BUD13: variants seen among roughly 807,000 people sequenced by gnomAD.
BUD13 encodes the protein BUD13 spliceosome associated protein, also known as BUD13 homolog.
In BUD13, 47 loss-of-function variants were observed where a neutral mutation model predicts 62.5. That is an observed-to-expected ratio of 0.75 (90% CI 0.60 to 0.96). The LOEUF (loss-of-function observed/expected upper bound fraction) is 0.96, where lower values mean the gene tolerates loss of function less well. Ranked by LOEUF, BUD13 falls within the 40% of genes least tolerant of loss-of-function variation. BUD13 has a pLI of 0.00. For synonymous variants in BUD13, 293 were observed against 280.1 expected, an observed-to-expected ratio of 1.05 and a Z score of -0.46; for missense variants, 821 against 790.9, an observed-to-expected ratio of 1.04 and a Z score of -0.46.
intron 9 of BUD13, among the ~76,000 whole-genome samples, chr11:116,748,980 C>CAAAAAAAAA (rs58988682): frequency 1.4e-4 from 12 of 86,976 alleles, no homozygotes; most frequent in Non-Finnish European, 1.8e-4. Flanking sequence ...GACTCTGTCT[C>CAAAAAAAAA]AAAAAAAAAA....
chr11:116,765,589 G>A (rs79874233), intron 2 of BUD13, 143 bp from the exon 3 acceptor site: 71 of 733,938 alleles, frequency 9.7e-5, no homozygotes, highest in Admixed American at 1.5e-4. Context: ...GAAGTAAGTA[G>A]GGGTCTTCAG....
chr11:116,749,093 C>T (rs974210438), intron 9 of BUD13, among the ~76,000 whole-genome samples: 24 of 152,130 alleles, frequency 1.6e-4, no homozygotes, highest in African/African-American at 5.3e-4. Flanking sequence ...TTTCTTAGTC[C>T]TTGTTCACAC....
In BUD13 at chr11:116,758,342, C is replaced by T. The variant is rs1405535851; in HGVS notation, c.1426G>A (p.Glu476Lys). 1.1e-5 allele frequency: 17 copies of T among 1,614,010 alleles called. No individual in the cohort carries two copies. Among genetic ancestry groups the T allele is most frequent in the South Asian group, 2.2e-5 (2 of 91,082 alleles). Residue 476 changes from glutamate (E) to lysine (K), a missense_variant, in exon 7 of 10, where the codon GAA (glutamate) becomes AAA (lysine). Transcript: ENST00000260210. ...KSGRKRNLKL[E>K]RLEQRRKAEK... is the part of the protein sequence containing the mutation. ...GCTTTCCTCCTTTGCTCTAAACGTT[C>T]GAGTTTCAAATTCCTCTTACGACCA...
intron 9 of BUD13, among the ~76,000 whole-genome samples, chr11:116,749,243 G>A (rs896395023): frequency 6.6e-6 from 1 of 152,094 alleles, no homozygotes; most frequent in East Asian, 1.9e-4. Context: ...TAGGTACCAT[G>A]GTAGACACTA....
In BUD13 at chr11:116,748,491, C is replaced by T. The variant is rs1001577311; in HGVS notation, c.1851G>A (p.Glu617=). 14 of 1,614,108 alleles carry T rather than the reference C, an allele frequency of 8.7e-6. No homozygotes were observed. The highest frequency in any genetic ancestry group is 1.3e-5 in the African/African-American group (1 of 74,932). ...VEELAYKWSV[E]DM is the part of the protein sequence containing the mutation. ...CACAGCCTCAGGAAAGTTACATATCCTCAACACTCCATTTGTAGGCAAGTT... is the reference window on the plus strand; with the variant it reads ...CACAGCCTCAGGAAAGTTACATATCTTCAACACTCCATTTGTAGGCAAGTT... Residue 617 remains glutamate (E), a synonymous_variant, in exon 10 of 10, where the codon GAG becomes GAA. Coordinates refer to ENST00000260210, the MANE Select transcript of BUD13 (RefSeq NM_032725.4).
chr11:116,768,206 G>A (rs1159961950), intron 2 of BUD13, among the ~76,000 whole-genome samples: 2 of 151,986 alleles, frequency 1.3e-5, no homozygotes, highest in African/African-American at 4.8e-5. Context: ...TATGTACAAC[G>A]ATGTATGATA....
At chr11:116,756,827 G>A (rs1367819597) in intron 9 of BUD13, among the ~76,000 whole-genome samples, 1 of 152,128 alleles carries the variant, frequency 6.6e-6, no homozygotes, top group Non-Finnish European at 1.5e-5. Flanking sequence ...GAAGGCTCCA[G>A]ACTACAACTC....
intron 5 of BUD13, among the ~76,000 whole-genome samples, chr11:116,759,769 G>T (rs1466634000): frequency 6.6e-6 from 1 of 152,106 alleles, no homozygotes; most frequent in East Asian, 1.9e-4. Flanking sequence ...AATGCCAAGA[G>T]GTCCAGCTGA....
intron 5 of BUD13, among the ~76,000 whole-genome samples, chr11:116,760,223 C>T (rs1008842835): frequency 2.6e-5 from 4 of 152,188 alleles, no homozygotes; most frequent in South Asian, 2.1e-4. Flanking sequence ...AGACACTGTG[C>T]TAAGAGTTTT....
At chr11:116,757,683 T>C (rs1043689163) in intron 8 of BUD13, 83 bp downstream of exon 8, 23 of 1,352,028 alleles carry the variant, frequency 1.7e-5, no homozygotes, top group Non-Finnish European at 2.3e-5. Context: ...GGGAAATCCT[T>C]CTTTGCATAT....
chr11:116,769,014 C>CAAA (rs34626460), intron 2 of BUD13, among the ~76,000 whole-genome samples: 20 of 90,166 alleles, frequency 2.2e-4, no homozygotes, highest in East Asian at 3.4e-4. Flanking sequence ...GACTCCGTCT[C>CAAA]AAAAAAAAAA....
At position 116,760,778 on chromosome 11, in the gene BUD13, G is replaced by T. The variant is rs1243383967; in HGVS notation, c.1211C>A (p.Ser404Tyr). The T allele has an allele frequency of 2.5e-6, 4 of 1,614,194 alleles. No homozygotes were observed. Among genetic ancestry groups the T allele is most frequent in the Non-Finnish European group, 3.4e-6 (4 of 1,180,028 alleles). The change falls in exon 5 of 10, where the codon TCT (serine) becomes TAT (tyrosine). Residue 404 changes from serine to tyrosine, a missense_variant. Ser to Tyr is a moderately radical substitution (Grantham distance 144, BLOSUM62 -2). Around this residue, in one of 2 missense-constraint regions of BUD13, gnomAD observed 800 missense variants for 739.2 expected, o/e 1.08. Coordinates refer to ENST00000260210, the MANE Select transcript of BUD13 (RefSeq NM_032725.4). ...ACTCCTTCGAGGCGGGGACAGGTCA[G>T]AATCAGAAGATTTGGTCCTCTGTCT... Reference protein sequence around the residue: ...RRRQRTKSSDSDLSPPRRSQP... With the variant: ...RRRQRTKSSDYDLSPPRRSQP...
chr11:116,767,904 T>G (rs1342160179), intron 2 of BUD13, among the ~76,000 whole-genome samples: 1 of 151,088 alleles, frequency 6.6e-6, no homozygotes, highest in Admixed American at 6.6e-5. Context: ...ACCTGGAAGG[T>G]AGAGGCTACA....
intron 6 of BUD13, 103 bp from the exon 7 acceptor site, chr11:116,758,510 T>G: frequency 7.5e-7 from 1 of 1,340,818 alleles, no homozygotes; most frequent in Non-Finnish European, 1.0e-6. Flanking sequence ...TAAGAACTTC[T>G]GCAGCCAGAC....
At chr11:116,758,675 C>T (rs1220896530) in intron 6 of BUD13, among the ~76,000 whole-genome samples, 1 of 150,608 alleles carries the variant, frequency 6.6e-6, no homozygotes, top group Non-Finnish European at 1.5e-5. Context: ...GCAACCTCCA[C>T]CTCCCAGGTT....
intron 9 of BUD13, among the ~76,000 whole-genome samples, chr11:116,750,943 T>C (rs925973752): frequency 8.5e-5 from 13 of 152,158 alleles, no homozygotes; most frequent in East Asian, 1.9e-4. Flanking sequence ...TGGTGTCTCA[T>C]AGCCTTATGA....
chr11:116,764,352 GAA>G lies in BUD13; in HGVS notation c.322+1008_322+1009del, dbSNP rs560268980. Among the ~76,000 whole-genome samples the G allele has an allele frequency of 1.5e-4, 23 of 152,296 alleles. No homozygotes were observed. The South Asian group carries it at 4.4e-3, about 29-fold the overall frequency. ...TTTGGGGAACAGCCCTATCTGATTG[GAA>G]TCCACTCCACAGAGAAAAGTATGAT... On this transcript the variant is annotated intron_variant, in intron 3 of 9. Transcript: ENST00000260210.
At chr11:116,762,251 C>T (rs150496370) in intron 4 of BUD13, among the ~76,000 whole-genome samples, 1 of 152,296 alleles carries the variant, frequency 6.6e-6, no homozygotes, top group Admixed American at 6.5e-5. Flanking sequence ...ACAACACTAA[C>T]AATAATTGCC....
At chr11:116,770,025 C>T (rs1940594556) in intron 2 of BUD13, 104 bp downstream of exon 2, 2 of 856,892 alleles carry the variant, frequency 2.3e-6, no homozygotes, top group Non-Finnish European at 3.5e-6. Flanking sequence ...CCATTGCACT[C>T]CAGCTTGGGT....
Sources: allele counts gnomAD v4.1 joint callset (sites outside exome capture counted in the v4.1 genomes callset), GRCh38; gene constraint gnomAD v4.1.1; regional missense constraint gnomAD v4.1.1; transcripts MANE v1.5; gene names NCBI Gene and HGNC (gene_info 2026-07-23, HGNC 2026-07-21).